Variants in PTPRE observed in about 807,000 individuals in gnomAD.
PTPRE encodes the protein protein tyrosine phosphatase receptor type E, also known as receptor-type tyrosine-protein phosphatase epsilon.
PTPRE carries 51 observed loss-of-function variants against 102.0 expected under a neutral mutation model. The observed-to-expected ratio is 0.50, with a 90% CI of 0.40 to 0.63. The LOEUF is 0.63. Among genes scored for constraint, PTPRE ranks in the 30% least tolerant of loss-of-function variants. The pLI, the probability that PTPRE is intolerant of heterozygous loss-of-function variation, is 0.00. For synonymous variants in PTPRE, 345 were observed against 348.2 expected, an observed-to-expected ratio of 0.99 and a Z score of 0.10; for missense variants, 752 against 915.1, an observed-to-expected ratio of 0.82 and a Z score of 2.30.
chr10:127,997,842 TA>T (rs1853431327), intron 2 of PTPRE, among the ~76,000 whole-genome samples: 1 of 152,214 alleles, frequency 6.6e-6, no homozygotes, highest in Non-Finnish European at 1.5e-5. Context: ...GAGAGTAAAT[TA>T]ATGTATTTTA....
chr10:128,037,661 G>A (rs1847326437), intron 2 of PTPRE, among the ~76,000 whole-genome samples: 1 of 152,212 alleles, frequency 6.6e-6, no homozygotes. Flanking sequence ...GTTGAGGGGA[G>A]TAAATATACA....
chr10:127,967,143 C>T (rs1213730766), intron 1 of PTPRE, among the ~76,000 whole-genome samples: 1 of 152,168 alleles, frequency 6.6e-6, no homozygotes, highest in Non-Finnish European at 1.5e-5. Context: ...ATGACATGCT[C>T]AGTGTTTCTC....
intron 11 of PTPRE, among the ~76,000 whole-genome samples, chr10:128,066,754 T>C (rs1850128396): frequency 6.6e-6 from 1 of 152,182 alleles, no homozygotes; most frequent in Non-Finnish European, 1.5e-5. Flanking sequence ...GTCATTGGCA[T>C]AATTAGGTCA....
chr10:127,964,707 A>G (rs1273192828), intron 1 of PTPRE: 5 of 193,778 alleles, frequency 2.6e-5, no homozygotes, highest in Non-Finnish European at 5.4e-5. Flanking sequence ...CTCTTTCTCG[A>G]TGAGACACAG....
intron 7 of PTPRE, among the ~76,000 whole-genome samples, chr10:128,059,953 C>CAA (rs938290072): frequency 4.7e-5 from 7 of 148,856 alleles, no homozygotes; most frequent in Non-Finnish European, 1.5e-5. Flanking sequence ...CACACACACA[C>CAA]AACACACACA....
chr10:128,061,626 C>G, intron 8 of PTPRE, 53 bp from the exon 9 acceptor site: 1 of 1,553,250 alleles, frequency 6.4e-7, no homozygotes, highest in South Asian at 1.2e-5. Context: ...CCAACAAATC[C>G]TTTCAGCAAA....
chr10:128,039,869 C>A (rs1339205320), intron 2 of PTPRE, among the ~76,000 whole-genome samples: 1 of 152,212 alleles, frequency 6.6e-6, no homozygotes, highest in Non-Finnish European at 1.5e-5. Context: ...CCACCTGCAC[C>A]TGCCAGTGAG....
At chr10:127,918,481 C>T (rs1470373927) in intron 1 of PTPRE, among the ~76,000 whole-genome samples, 1 of 151,344 alleles carries the variant, frequency 6.6e-6, no homozygotes, top group Non-Finnish European at 1.5e-5. Flanking sequence ...ATGGCATGAA[C>T]CCGGGAGGCG....
At chr10:127,987,247 T>C in intron 2 of PTPRE, 1 of 960,558 alleles carries the variant, frequency 1.0e-6, no homozygotes, top group Non-Finnish European at 1.3e-6. Context: ...AACACAGATT[T>C]CCTATATAAA....
rs1022424292 is a variant in PTPRE, at chr10:128,085,820, T to A, written c.*2914T>A. 1 of 146,132 alleles carries A rather than the reference T, an allele frequency of 6.8e-6. No individual in the cohort carries two copies. Among genetic ancestry groups the A allele is most frequent in the Non-Finnish European group, 1.5e-5 (1 of 67,510 alleles). The allele number at this position is 146,132 out of a possible 1,614,324, so 9.1% of individuals were successfully genotyped here. On this transcript the variant is annotated 3_prime_UTR_variant, in exon 21 of 21. Coordinates refer to ENST00000254667, the MANE Select transcript of PTPRE (RefSeq NM_006504.6). ...TATGCAAATTGCAAGATTTAAACCA[T>A]TCTGATGCAAGGATAAACCTTTACT...
At chr10:128,055,785 C>CACCT (rs1848910613) in intron 6 of PTPRE, among the ~76,000 whole-genome samples, 1 of 152,216 alleles carries the variant, frequency 6.6e-6, no homozygotes, top group African/African-American at 2.4e-5. Flanking sequence ...AAATCATAGG[C>CACCT]ACCTGCTCTA....
At chr10:128,068,533 T>C in intron 12 of PTPRE, 1 of 359,206 alleles carries the variant, frequency 2.8e-6, no homozygotes, top group Non-Finnish European at 5.0e-6. Context: ...ATGGTGGGAA[T>C]GGAGTTCTGG....
At chr10:127,913,214 G>A (rs1034277722) in intron 1 of PTPRE, among the ~76,000 whole-genome samples, 15 of 152,198 alleles carry the variant, frequency 9.9e-5, no homozygotes, top group Admixed American at 9.8e-4. Context: ...ACAAGGCAAG[G>A]GCCCAGGGGA....
chr10:127,952,539 G>A (rs528471046), intron 1 of PTPRE, among the ~76,000 whole-genome samples: 3 of 152,144 alleles, frequency 2.0e-5, no homozygotes, highest in African/African-American at 7.2e-5. Context: ...ATTGTGGGCT[G>A]CAACAAAATG....
In PTPRE at chr10:128,070,751, A is replaced by T; in HGVS notation, c.1294-57A>T. 1 of 1,552,544 alleles carries T rather than the reference A, an allele frequency of 6.4e-7. No individual in the cohort carries two copies. Among genetic ancestry groups the T allele is most frequent in the Non-Finnish European group, 8.9e-7 (1 of 1,128,020 alleles). On this transcript the variant is annotated intron_variant, in intron 14 of 20. Transcript: ENST00000254667. This position sits in a 1 kb window ranked among gnomAD's most constrained non-coding sequence, Gnocchi z 4.8. ...CAGCAGCACTAGTCCTCGGCTGAGCAATGTGCTCAGGAGTGTCAGAGGTTT... is the reference window on the plus strand; with the variant it reads ...CAGCAGCACTAGTCCTCGGCTGAGCTATGTGCTCAGGAGTGTCAGAGGTTT...
At chr10:128,076,313 A>G (rs1171395242) in intron 17 of PTPRE, among the ~76,000 whole-genome samples, 1 of 152,138 alleles carries the variant, frequency 6.6e-6, no homozygotes, top group Admixed American at 6.6e-5. Context: ...CAGGGATCCA[A>G]TTTCATTTTC....
chr10:128,017,302 A>G (rs1233902600), intron 2 of PTPRE, among the ~76,000 whole-genome samples: 1 of 151,946 alleles, frequency 6.6e-6, no homozygotes, highest in Non-Finnish European at 1.5e-5. Context: ...AAGAGCTGAG[A>G]GCTATAGAAA....
At chr10:128,054,600 A>C (rs1590157345) in intron 6 of PTPRE, among the ~76,000 whole-genome samples, 2 of 151,584 alleles carry the variant, frequency 1.3e-5, no homozygotes, top group East Asian at 2.0e-4. Flanking sequence ...TTTGGGACCA[A>C]CAAACCCCAT....
intron 11 of PTPRE, among the ~76,000 whole-genome samples, chr10:128,067,520 A>G (rs1457781879): frequency 6.6e-6 from 1 of 152,148 alleles, no homozygotes; most frequent in Non-Finnish European, 1.5e-5. Flanking sequence ...ACATGCGCAC[A>G]CATGCACACA....
Sources: gnomAD v4.1 joint callset for allele counts (sites outside exome capture counted in the v4.1 genomes callset) on GRCh38, gnomAD v4.1.1 for gene constraint, Gnocchi (gnomAD v3.1) non-coding constraint, MANE v1.5 for transcripts, NCBI Gene and HGNC (gene_info 2026-07-23, HGNC 2026-07-21) for gene names.